The following OLA1 variants were observed in gnomAD, a reference collection of about 807,000 sequenced individuals.
The protein encoded by OLA1 is Obg like ATPase 1.
Under a neutral mutation model 48.4 loss-of-function variants are expected in OLA1, and 14 were observed. That is an observed-to-expected ratio of 0.29 (90% CI 0.19 to 0.45). The LOEUF (loss-of-function observed/expected upper bound fraction) is 0.45, where lower values mean the gene tolerates loss of function less well. Among genes scored for constraint, OLA1 ranks in the 20% least tolerant of loss-of-function variants. The pLI is 1.00. For missense variants in OLA1, 325 were observed against 467.1 expected (o/e 0.70, Z 2.80); for synonymous variants, 127 against 150.4 (o/e 0.84, Z 1.14).
intron 8 of OLA1, 94 bp downstream of exon 8, chr2:174,081,830 A>T: frequency 8.5e-7 from 1 of 1,170,814 alleles, no homozygotes; most frequent in Non-Finnish European, 1.2e-6. Flanking sequence ...AATGGTAATT[A>T]CTCTGTCATT....
At chr2:174,191,276 C>A (rs1406193343) in intron 4 of OLA1, among the ~76,000 whole-genome samples, 2 of 151,496 alleles carry the variant, frequency 1.3e-5, no homozygotes, top group Admixed American at 1.3e-4. Context: ...ATTCCTGATC[C>A]AATGTCATTT....
At chr2:174,136,943 G>C (rs1419517475) in intron 5 of OLA1, among the ~76,000 whole-genome samples, 1 of 152,020 alleles carries the variant, frequency 6.6e-6, no homozygotes, top group African/African-American at 2.4e-5. Flanking sequence ...CCAAAGTGCT[G>C]GGATTATAGG....
chr2:174,150,750 CA>C (rs1375222273), intron 4 of OLA1, among the ~76,000 whole-genome samples: 1 of 152,076 alleles, frequency 6.6e-6, no homozygotes, highest in Non-Finnish European at 1.5e-5. Context: ...GAATTAAAAT[CA>C]AAAGTCAAAA....
intron 7 of OLA1, among the ~76,000 whole-genome samples, chr2:174,098,032 G>C (rs1244234827): frequency 6.6e-6 from 1 of 152,104 alleles, no homozygotes; most frequent in Admixed American, 6.5e-5. Context: ...ACTGTTTCTG[G>C]ATCTTTAGAG....
intron 5 of OLA1, among the ~76,000 whole-genome samples, chr2:174,126,832 C>T (rs1250086408): frequency 6.6e-6 from 1 of 152,134 alleles, no homozygotes; most frequent in African/African-American, 2.4e-5. Context: ...TTGGGTGCTC[C>T]TTTAAAGCAT....
intron 3 of OLA1, among the ~76,000 whole-genome samples, chr2:174,224,655 G>A (rs1002702682): frequency 6.6e-6 from 1 of 152,138 alleles, no homozygotes; most frequent in African/African-American, 2.4e-5. Context: ...AGGTTTACTG[G>A]AGGGGGTGTA....
At chr2:174,147,382 G>A (rs926928447) in intron 4 of OLA1, among the ~76,000 whole-genome samples, 3 of 152,134 alleles carry the variant, frequency 2.0e-5, no homozygotes, top group East Asian at 3.9e-4. Context: ...AGCCGAGATC[G>A]TGCCACTGCA....
intron 4 of OLA1, among the ~76,000 whole-genome samples, chr2:174,168,887 A>G (rs1418554692): frequency 6.6e-6 from 1 of 151,504 alleles, no homozygotes; most frequent in Non-Finnish European, 1.5e-5. Context: ...ATCTGAACAC[A>G]CAGAAGACAG....
chr2:174,076,828 A>T (rs13023339), intron 10 of OLA1, among the ~76,000 whole-genome samples: 1 of 151,432 alleles, frequency 6.6e-6, no homozygotes, highest in Admixed American at 6.6e-5. Context: ...TATATATATA[A>T]AAATACATAT....
chr2:174,246,903 A>T, intron 1 of OLA1, 88 bp from the exon 2 acceptor site: 1 of 732,736 alleles, frequency 1.4e-6, no homozygotes, highest in Non-Finnish European at 2.3e-6. Flanking sequence ...TATATTATTG[A>T]ATTAAGATTA....
At chr2:174,090,088 C>A (rs1685080115) in intron 7 of OLA1, among the ~76,000 whole-genome samples, 1 of 152,012 alleles carries the variant, frequency 6.6e-6, no homozygotes, top group Admixed American at 6.5e-5. Context: ...AAGTTGTTCC[C>A]TATGAGAACC....
chr2:174,080,038 A>G (rs1358272448), intron 9 of OLA1, among the ~76,000 whole-genome samples: 1 of 152,108 alleles, frequency 6.6e-6, no homozygotes, highest in Non-Finnish European at 1.5e-5. Context: ...TTTAAAATAT[A>G]TAGTAAAAAT....
chr2:174,167,825 A>T (rs1368985332), intron 4 of OLA1, among the ~76,000 whole-genome samples: 1 of 152,242 alleles, frequency 6.6e-6, no homozygotes, highest in African/African-American at 2.4e-5. Flanking sequence ...GTACTGGTAC[A>T]TAAAACTGAT....
chr2:174,229,384 T>C lies in OLA1; in HGVS notation c.169A>G (p.Ile57Val), dbSNP rs765482192. 8.1e-6 allele frequency: 13 copies of C among 1,612,366 alleles called. No homozygotes were observed. The Middle Eastern group carries it at 5.2e-4, about 64-fold the overall frequency. ...ASAENFPFCT[I>V]DPNESRVPVP... Reference sequence around the variant, plus strand: ...GGTACTCTGCTCTCATTAGGATCAATAGTGCAGAACGGGAAGTTTTCTGCT... The same window carrying C: ...GGTACTCTGCTCTCATTAGGATCAACAGTGCAGAACGGGAAGTTTTCTGCT... The change falls in exon 3 of 11, where the codon ATT becomes GTT. Residue 57 changes from isoleucine to valine, a missense_variant. Transcript: ENST00000284719.
At chr2:174,166,218 G>GTAAATGTTCAGA (rs913038327) in intron 4 of OLA1, among the ~76,000 whole-genome samples, 2 of 151,064 alleles carry the variant, frequency 1.3e-5, no homozygotes, top group Admixed American at 6.6e-5. Flanking sequence ...TTTAATTTTT[G>GTAAATGTTCAGA]ACCTAATTCA....
At chr2:174,229,581 G>A in intron 2 of OLA1, 130 bp from the exon 3 acceptor site, 2 of 649,084 alleles carry the variant, frequency 3.1e-6, no homozygotes, top group South Asian at 2.2e-5. Flanking sequence ...GAGGGAAAAA[G>A]GAACAATACA....
intron 2 of OLA1, among the ~76,000 whole-genome samples, chr2:174,235,844 A>C (rs2105461244): frequency 6.6e-6 from 1 of 152,290 alleles, no homozygotes; most frequent in East Asian, 1.9e-4. Flanking sequence ...CCACCCAAAC[A>C]GAGTAGGATG....
chr2:174,200,900 C>T (rs1026643134), intron 4 of OLA1, among the ~76,000 whole-genome samples: 1 of 152,118 alleles, frequency 6.6e-6, no homozygotes, highest in Non-Finnish European at 1.5e-5. Flanking sequence ...GCAGAAAATA[C>T]TGATTCATTG....
intron 7 of OLA1, among the ~76,000 whole-genome samples, chr2:174,087,272 C>T (rs563252649): frequency 6.6e-6 from 1 of 152,140 alleles, no homozygotes; most frequent in East Asian, 1.9e-4. Flanking sequence ...GTGATCCACC[C>T]GCCTCGGCCT....
Sources: allele counts gnomAD v4.1 joint callset (sites outside exome capture counted in the v4.1 genomes callset), GRCh38; gene constraint gnomAD v4.1.1; transcripts MANE v1.5; gene names NCBI Gene and HGNC (gene_info 2026-07-23, HGNC 2026-07-21).